Variants in LHX9 observed in about 807,000 individuals in gnomAD.
LHX9 encodes the protein LIM homeobox 9.
Under a neutral mutation model 36.5 loss-of-function variants are expected in LHX9, and 9 were observed. The ratio of observed to expected loss-of-function variants is 0.25; its 90% CI spans 0.15 to 0.43. The LOEUF is 0.43. Ranked by LOEUF, LHX9 falls within the 20% of genes least tolerant of loss-of-function variation. The pLI, the probability that LHX9 is intolerant of heterozygous loss-of-function variation, is 1.00. For missense variants in LHX9, 464 were observed against 526.4 expected, an observed-to-expected ratio of 0.88 and a Z score of 1.16; for synonymous variants, 211 against 212.1, an observed-to-expected ratio of 0.99 and a Z score of 0.04.
intron 3 of LHX9, among the ~76,000 whole-genome samples, chr1:197,923,929 G>A (rs975551746): frequency 3.9e-5 from 6 of 152,026 alleles, no homozygotes; most frequent in Admixed American, 1.3e-4. Context: ...TTTGTACCTC[G>A]CACCACTACA....
rs1304909312 is a variant in LHX9, at chr1:197,929,016, C to T, written c.951C>T (p.Asn317=). 8 of 1,607,038 alleles carry T rather than the reference C, an allele frequency of 5.0e-6. No homozygotes were observed. The highest frequency in any genetic ancestry group is 1.1e-5 in the South Asian group (1 of 90,276). ...TTGGTTTGCAGGTTTGGTTCCAAAA[C>T]GCACGAGCCAAATTCAGAAGGAACC... ...TKRVLQVWFQ[N]ARAKFRRNLL... The change falls in exon 5 of 5, where the codon AAC becomes AAT. Residue 317 remains asparagine (N), a synonymous_variant. Transcript: ENST00000367387.
At position 197,929,702 on chromosome 1, in the gene LHX9, T is replaced by C; in HGVS notation, c.*443T>C. 1.1e-6 allele frequency: 1 copy of C among 935,272 alleles called. No individual in the cohort carries two copies. Among genetic ancestry groups the C allele is most frequent in the Admixed American group, 6.2e-5 (1 of 16,236 alleles). The allele number at this position is 935,272 out of a possible 1,614,324, so 57.9% of individuals were successfully genotyped here. A position where few individuals can be genotyped will look rare whatever the true frequency, so the allele number is the denominator to read the frequency against. On this transcript the variant is annotated 3_prime_UTR_variant, in exon 5 of 5. Coordinates refer to ENST00000367387, the MANE Select transcript of LHX9 (RefSeq NM_020204.3). ...AGTTACTTTTTAAATCTTGCAATTG[T>C]ATGTGTGATTATGGAGTTTTGAAAA... is the stretch of plus-strand genomic sequence containing the variant.
intron 3 of LHX9, among the ~76,000 whole-genome samples, chr1:197,923,331 C>G (rs1027956437): frequency 7.9e-5 from 12 of 152,230 alleles, no homozygotes; most frequent in Non-Finnish European, 1.6e-4. Context: ...CTGGCCCCTG[C>G]TGTGCTGGGG....
At chr1:197,919,319 G>C (rs1021444070) in intron 1 of LHX9, among the ~76,000 whole-genome samples, 1 of 152,130 alleles carries the variant, frequency 6.6e-6, no homozygotes, top group African/African-American at 2.4e-5. Context: ...AGAGGGGACT[G>C]TATACAGCGG....
Position 197,921,663 on chromosome 1 carries a change from T to C in LHX9, c.733+4T>C, listed in dbSNP as rs1326708473. On this transcript the variant is annotated splice_donor_region_variant and intron_variant, in intron 3 of 4. Coordinates refer to ENST00000367387, the MANE Select transcript of LHX9 (RefSeq NM_020204.3). The surrounding 1 kb of genome is among the most constrained non-coding windows in gnomAD (Gnocchi z 4.6). ...GACATCGTCAATTACAACTCAGGTG[T>C]GCCTCCTATCCTCACCCCCGGCGCA... The C allele has an allele frequency of 6.4e-7, 1 of 1,573,434 alleles. No individual in the cohort carries two copies. The highest frequency in any genetic ancestry group is 8.6e-7 in the Non-Finnish European group (1 of 1,163,672).
chr1:197,929,652 TTAA>T lies in LHX9; in HGVS notation c.*397_*399del, dbSNP rs1660270421. The T allele has an allele frequency of 2.2e-6, 2 of 911,384 alleles. No individual in the cohort carries two copies. The highest frequency in any genetic ancestry group is 2.6e-6 in the Non-Finnish European group (2 of 762,532). The allele number at this position is 911,384 out of a possible 1,614,324, so 56.5% of individuals were successfully genotyped here. On this transcript the variant is annotated 3_prime_UTR_variant, in exon 5 of 5. Transcript: ENST00000367387. ...TCATATTCCCACTTAAATGATTAGG[TTAA>T]TAAAGAACCAGATAATTAATTAGTT...
At chr1:197,912,524 C>T (rs371771009), upstream of LHX9, 60 of 1,614,064 alleles carry the variant, frequency 3.7e-5, no homozygotes, top group Non-Finnish European at 5.0e-5. Flanking sequence ...ACTCCTTTTC[C>T]TCTAAGAATG....
intron 3 of LHX9, among the ~76,000 whole-genome samples, chr1:197,923,557 T>TG (rs1660058244): frequency 6.6e-6 from 1 of 152,090 alleles, no homozygotes; most frequent in African/African-American, 2.4e-5. Flanking sequence ...AGTGAGTTTT[T>TG]TTTTGAAAGA....
In LHX9 at chr1:197,930,138, A is replaced by G; in HGVS notation, c.*879A>G. On this transcript the variant is annotated 3_prime_UTR_variant, in exon 5 of 5. Transcript: ENST00000367387. ...TGTTTTAAGAAGTAAAAAAATCAAT[A>G]TAATTTAATTAATAGCTCTATTAAT... 1 of 817,206 alleles carries G rather than the reference A, an allele frequency of 1.2e-6. No individual in the cohort carries two copies. The highest frequency in any genetic ancestry group is 5.6e-5 in the South Asian group (1 of 17,768). The allele number at this position is 817,206 out of a possible 1,614,324, so 50.6% of individuals were successfully genotyped here. A position where few individuals can be genotyped will look rare whatever the true frequency, so the allele number is the denominator to read the frequency against.
chr1:197,914,964 G>A (rs564269670), upstream of LHX9, among the ~76,000 whole-genome samples: 110 of 151,906 alleles, frequency 7.2e-4, no homozygotes, highest in African/African-American at 2.6e-3. Flanking sequence ...ATGGATGATT[G>A]GAGGGCTTAC....
In LHX9 at chr1:197,930,523, T is replaced by C. The variant is rs1223665343; in HGVS notation, c.*1264T>C. On this transcript the variant is annotated 3_prime_UTR_variant, in exon 5 of 5. Transcript: ENST00000367387. ...TTAGATTGTGGATTTCCTAAAAAAA[T>C]AAAAAAGAAGTCAAGATATATGTCT... 6.6e-6 allele frequency: 1 copy of C among 152,022 alleles called. No homozygotes were observed. The highest frequency in any genetic ancestry group is 2.4e-5 in the African/African-American group (1 of 41,430). The allele number at this position is 152,022 out of a possible 1,614,324, so 9.4% of individuals were successfully genotyped here.
chr1:197,918,149 C>T, intron 1 of LHX9, 152 bp downstream of exon 1: 1 of 824,498 alleles, frequency 1.2e-6, no homozygotes, highest in Non-Finnish European at 2.0e-6. Context: ...CCACCTATGC[C>T]TACAGGGCTA....
Position 197,921,554 on chromosome 1 carries a change from G to C in LHX9, c.628G>C (p.Gly210Arg). ...CACGGAGCTGGCGGCCAAGAGCGGC[G>C]GCCTGGCCCTGCCTTACTTCAACGG... ...SYTELAAKSG[G>R]LALPYFNGTG... Residue 210 changes from glycine to arginine, a missense_variant, in exon 3 of 5, where the codon GGC (glycine) becomes CGC (arginine). Physicochemically the swap from Gly to Arg is moderately radical, Grantham distance 125. Transcript: ENST00000367387. The surrounding 1 kb of genome is among the most constrained non-coding windows in gnomAD (Gnocchi z 4.6). 6.2e-7 allele frequency: 1 copy of C among 1,613,536 alleles called. No homozygotes were observed. The highest frequency in any genetic ancestry group is 8.5e-7 in the Non-Finnish European group (1 of 1,180,004).
chr1:197,927,799 A>C lies in LHX9; in HGVS notation c.936+6A>C, dbSNP rs1478595482. ...TGACCAAAAGAGTTTTGCAGGTAAG[A>C]CACATGCATCATTGACTGTGCATAC... On this transcript the variant is annotated splice_donor_region_variant and intron_variant, in intron 4 of 4. Transcript: ENST00000367387. The C allele has an allele frequency of 6.2e-7, 1 of 1,612,014 alleles. No homozygotes were observed. The highest frequency in any genetic ancestry group is 8.5e-7 in the Non-Finnish European group (1 of 1,178,160).
At chr1:197,917,154 A>G (rs906334417), upstream of LHX9, 12 of 785,930 alleles carry the variant, frequency 1.5e-5, no homozygotes, top group Non-Finnish European at 1.7e-5. Flanking sequence ...TGGGGAGGTA[A>G]ATGCCCCCTC....
upstream of LHX9, among the ~76,000 whole-genome samples, chr1:197,917,074 G>C (rs555104482): frequency 2.6e-5 from 4 of 151,758 alleles, no homozygotes; most frequent in East Asian, 7.8e-4. Flanking sequence ...CATGACTGCT[G>C]GGAACTCTTG....
rs1305203656 is a variant in LHX9 at position 197,921,369 on chromosome 1, G to A, written c.443G>A (p.Arg148His). The A allele has an allele frequency of 6.2e-7, 1 of 1,614,140 alleles. No individual in the cohort carries two copies. The highest frequency in any genetic ancestry group is 8.5e-7 in the Non-Finnish European group (1 of 1,180,040). ...LGISASEMVM[R>H]ARDSVYHLSC... ...ATTTCCGCCTCGGAGATGGTCATGC[G>A]CGCCCGAGACTCTGTCTACCACCTG... Residue 148 changes from arginine (R) to histidine (H), a missense_variant, in exon 3 of 5, where the codon CGC (arginine) becomes CAC (histidine). Physicochemically the swap from Arg to His is conservative, Grantham distance 29. Around this residue, in one of 5 missense-constraint regions of LHX9, gnomAD observed 93 missense variants for 150.3 expected, o/e 0.62. Coordinates refer to ENST00000367387, the MANE Select transcript of LHX9 (RefSeq NM_020204.3). The surrounding 1 kb of genome is among the most constrained non-coding windows in gnomAD (Gnocchi z 4.6).
chr1:197,915,044 T>C (rs1274176033), upstream of LHX9, among the ~76,000 whole-genome samples: 1 of 152,186 alleles, frequency 6.6e-6, no homozygotes, highest in Non-Finnish European at 1.5e-5. Context: ...TGTTTAACTT[T>C]CCCTGCATGC....
At chr1:197,924,128 A>G (rs1660078905) in intron 3 of LHX9, among the ~76,000 whole-genome samples, 1 of 152,206 alleles carries the variant, frequency 6.6e-6, no homozygotes, top group Non-Finnish European at 1.5e-5. Context: ...TTTGTTCCAA[A>G]ACTAGGGAAA....
Sources: allele counts gnomAD v4.1 joint callset (sites outside exome capture counted in the v4.1 genomes callset), GRCh38; gene constraint gnomAD v4.1.1; regional missense constraint gnomAD v4.1.1; non-coding constraint Gnocchi (gnomAD v3.1); transcripts MANE v1.5; gene names NCBI Gene and HGNC (gene_info 2026-07-23, HGNC 2026-07-21).